Variants in PCDH15 observed in about 807,000 individuals in gnomAD.
PCDH15 encodes the protein protocadherin related 15.
PCDH15 carries 129 observed loss-of-function variants against 178.5 expected under a neutral mutation model. The observed-to-expected ratio is 0.72, with a 90% CI of 0.63 to 0.84. The LOEUF is 0.84. Among genes scored for constraint, PCDH15 ranks in the 40% least tolerant of loss-of-function variants. The probability of loss-of-function intolerance (pLI) is 0.00; values close to 1 mark genes in which losing one functional copy is unlikely to be tolerated. For missense variants in PCDH15, 2,230 were observed against 2,099.9 expected (o/e 1.06, Z -1.21); for synonymous variants, 800 against 732.0 (o/e 1.09, Z -1.50).
In PCDH15 at chr10:54,578,522, T is replaced by C. The variant is rs924583821; in HGVS notation, c.92-50645A>G. On this transcript the variant is annotated intron_variant, in intron 2 of 37. Transcript: ENST00000644397. Reference sequence around the variant, plus strand: ...ATACCTACATGGTTTAAAATAGTAATTATAAACATAGTAATTTTAAAATAA... The same window carrying C: ...ATACCTACATGGTTTAAAATAGTAACTATAAACATAGTAATTTTAAAATAA... Among the ~76,000 whole-genome samples, 6 of 152,252 alleles carry C rather than the reference T, an allele frequency of 3.9e-5. No homozygotes were observed. In the South Asian group the frequency reaches 6.2e-4, roughly 16 times the overall value.
chr10:55,262,535 G>A (rs1163830724), intron 1 of PCDH15, among the ~76,000 whole-genome samples: 1 of 152,108 alleles, frequency 6.6e-6, no homozygotes, highest in Non-Finnish European at 1.5e-5. Context: ...AGAACACATC[G>A]GTGGAAGAGT....
chr10:54,574,166 G>A (rs1488841541), intron 2 of PCDH15, among the ~76,000 whole-genome samples: 3 of 150,970 alleles, frequency 2.0e-5, no homozygotes, highest in Admixed American at 6.6e-5. Flanking sequence ...TAGGTCTAAC[G>A]TTTAAGTCTT....
chr10:54,233,749 T>C (rs2054318025), intron 9 of PCDH15, among the ~76,000 whole-genome samples: 1 of 152,238 alleles, frequency 6.6e-6, no homozygotes, highest in South Asian at 2.1e-4. Context: ...GCTTCCTGAG[T>C]ATATATACAG....
chr10:54,186,435 G>A (rs924616782), intron 11 of PCDH15, among the ~76,000 whole-genome samples: 3 of 152,090 alleles, frequency 2.0e-5, no homozygotes, highest in African/African-American at 7.2e-5. Flanking sequence ...ATGTGAACAT[G>A]ATTTGATCCA....
intron 2 of PCDH15, among the ~76,000 whole-genome samples, chr10:55,484,922 T>G (rs999623736): frequency 2.6e-5 from 4 of 151,692 alleles, no homozygotes; most frequent in African/African-American, 9.7e-5. Flanking sequence ...CCCAAAACTC[T>G]GAAACTACTA....
intron 2 of PCDH15, among the ~76,000 whole-genome samples, chr10:55,057,342 A>C (rs529639669): frequency 5.3e-5 from 8 of 152,342 alleles, no homozygotes; most frequent in Admixed American, 4.6e-4. Context: ...GAAACAAACA[A>C]AAACACCCTG....
At chr10:55,178,056 T>C (rs1482108105) in intron 1 of PCDH15, among the ~76,000 whole-genome samples, 6 of 152,180 alleles carry the variant, frequency 3.9e-5, no homozygotes, top group African/African-American at 1.2e-4. Context: ...AAGTATGTTT[T>C]CCTAATCCTC....
chr10:54,063,025 C>T (rs1276897375), intron 18 of PCDH15, among the ~76,000 whole-genome samples: 1 of 152,150 alleles, frequency 6.6e-6, no homozygotes, highest in Admixed American at 6.5e-5. Context: ...AAACTGACAA[C>T]TGTAATATAA....
At chr10:54,400,238 C>T (rs1234372996) in intron 3 of PCDH15, among the ~76,000 whole-genome samples, 6 of 151,982 alleles carry the variant, frequency 3.9e-5, no homozygotes, top group Admixed American at 3.9e-4. Flanking sequence ...TGTGTAATGT[C>T]CAATAAAAGC....
intron 2 of PCDH15, among the ~76,000 whole-genome samples, chr10:55,480,228 G>A (rs1840150675): frequency 6.6e-6 from 1 of 151,668 alleles, no homozygotes; most frequent in Non-Finnish European, 1.5e-5. Context: ...GAAGCTCTGA[G>A]GCTGAGATGA....
At chr10:55,147,870 C>T (rs749909726) in intron 2 of PCDH15, among the ~76,000 whole-genome samples, 10 of 151,354 alleles carry the variant, frequency 6.6e-5, no homozygotes, top group Non-Finnish European at 1.3e-4. Flanking sequence ...TGTTTAAGCC[C>T]TCACCTCCAC....
chr10:54,765,540 A>G (rs1435763190), intron 1 of PCDH15, among the ~76,000 whole-genome samples: 2 of 152,166 alleles, frequency 1.3e-5, no homozygotes, highest in African/African-American at 4.8e-5. Flanking sequence ...TTGTTTGGAC[A>G]TAGTAAGCAC....
At chr10:54,038,429 G>C (rs2093467713) in intron 18 of PCDH15, among the ~76,000 whole-genome samples, 1 of 151,926 alleles carries the variant, frequency 6.6e-6, no homozygotes, top group Admixed American at 6.6e-5. Flanking sequence ...GACAAGACCA[G>C]AATTGGATTC....
At chr10:55,167,658 T>C (rs1215759922) in intron 1 of PCDH15, among the ~76,000 whole-genome samples, 1 of 152,158 alleles carries the variant, frequency 6.6e-6, no homozygotes. Context: ...ACATCTCTCA[T>C]GCACATGTCA....
intron 14 of PCDH15, among the ~76,000 whole-genome samples, chr10:54,138,525 A>G (rs189056771): frequency 6.0e-4 from 92 of 152,288 alleles, no homozygotes; most frequent in South Asian, 1.7e-3. Context: ...TTTGGCTCCA[A>G]TATTCTTTGG....
At chr10:54,461,765 A>G (rs936754257) in intron 3 of PCDH15, among the ~76,000 whole-genome samples, 8 of 152,148 alleles carry the variant, frequency 5.3e-5, no homozygotes, top group Admixed American at 2.0e-4. Flanking sequence ...TAAGAATTTA[A>G]TATTTAATTT....
At chr10:54,775,742 G>A (rs981092562) in intron 1 of PCDH15, among the ~76,000 whole-genome samples, 1 of 152,206 alleles carries the variant, frequency 6.6e-6, no homozygotes, top group African/African-American at 2.4e-5. Context: ...AAAATTAGCT[G>A]GGCGTGGTGG....
chr10:54,779,719 A>G (rs1388299459), intron 1 of PCDH15, among the ~76,000 whole-genome samples: 2 of 151,656 alleles, frequency 1.3e-5, no homozygotes, highest in Non-Finnish European at 2.9e-5. Context: ...AACTGTGAGT[A>G]CAATGACACA....
At chr10:55,355,309 A>G (rs181014962) in intron 2 of PCDH15, among the ~76,000 whole-genome samples, 1 of 152,150 alleles carries the variant, frequency 6.6e-6, no homozygotes, top group Non-Finnish European at 1.5e-5. Flanking sequence ...GAAAGAGTAC[A>G]TTTAACTTTA....
Sources: allele counts gnomAD v4.1 joint callset (sites outside exome capture counted in the v4.1 genomes callset), GRCh38; gene constraint gnomAD v4.1.1; transcripts MANE v1.5; gene names NCBI Gene and HGNC (gene_info 2026-07-23, HGNC 2026-07-21).